The following POMGNT1 variants were observed in gnomAD, a reference collection of about 807,000 sequenced individuals.
The protein encoded by POMGNT1 is protein O-linked-mannose beta-1,2-N-acetylglucosaminyltransferase 1.
A neutral mutation model predicts 95.6 loss-of-function variants in POMGNT1; 67 were observed. The observed-to-expected ratio is 0.70, with a 90% CI of 0.58 to 0.86. The LOEUF is 0.86. Among genes scored for constraint, POMGNT1 ranks in the 40% least tolerant of loss-of-function variants. POMGNT1 has a pLI of 0.00. For missense variants in POMGNT1, 719 were observed against 855.2 expected (o/e 0.84, Z 1.99); for synonymous variants, 298 against 317.9 (o/e 0.94, Z 0.66).
chr1:46,189,650 A>ACC, intron 20 of POMGNT1, 83 bp from the exon 21 acceptor site: 6 of 1,556,548 alleles, frequency 3.9e-6, no homozygotes, highest in Non-Finnish European at 5.2e-6. Context: ...CCCAGCCCCC[A>ACC]CCCCTCCTCA....
chr1:46,196,068 C>T lies in POMGNT1; in HGVS notation c.364G>A (p.Asp122Asn), dbSNP rs1348604167. The change falls in exon 5 of 22, where the codon GAT (aspartate) becomes AAT (asparagine). Residue 122 changes from aspartate to asparagine, a missense_variant. Physicochemically the swap from Asp to Asn is conservative, Grantham distance 23 (BLOSUM62 1). Coordinates refer to ENST00000371984, the MANE Select transcript of POMGNT1 (RefSeq NM_017739.4). This position sits in a 1 kb window ranked among gnomAD's most constrained non-coding sequence, Gnocchi z 4.4. ...VAVDGTTVLE[D>N]EAREQGRGIH... is the part of the protein sequence containing the mutation. The stretch of plus-strand genomic sequence containing the variant: ...CCCCGGCCCTGCTCCCGGGCCTCAT[C>T]CTCCAGCACCTACACAGTGGCAGAG... The T allele has an allele frequency of 1.9e-6, 3 of 1,613,926 alleles. No homozygotes were observed. In the African/African-American group the frequency reaches 4.0e-5, roughly 22 times the overall value.
Position 46,188,996 on chromosome 1 carries a change from ATT to A in POMGNT1, c.*272_*273del. On this transcript the variant is annotated 3_prime_UTR_variant, in exon 22 of 22. Coordinates refer to ENST00000371984, the MANE Select transcript of POMGNT1 (RefSeq NM_017739.4). ...TGAGCCAGGCCTGGAAAGTGAGGGTATTCAAAGGGCAGGATGAGCTGCTAGGG... is the reference window on the plus strand; with the variant it reads ...TGAGCCAGGCCTGGAAAGTGAGGGTACAAAGGGCAGGATGAGCTGCTAGGG... The A allele has an allele frequency of 6.2e-7, 1 of 1,602,982 alleles. No homozygotes were observed. The highest frequency in any genetic ancestry group is 8.5e-7 in the Non-Finnish European group (1 of 1,173,904).
intron 17 of POMGNT1, chr1:46,190,989 G>A: frequency 1.7e-6 from 1 of 576,506 alleles, no homozygotes. Flanking sequence ...CATTGCTGGA[G>A]AGCTCATGCT....
chr1:46,190,640 C>T (rs1473026110), intron 18 of POMGNT1, 80 bp downstream of exon 18: 3 of 1,537,918 alleles, frequency 2.0e-6, no homozygotes, highest in Non-Finnish European at 2.7e-6. Flanking sequence ...AACACACAGG[C>T]CCAGCATTGG....
intron 1 of POMGNT1, among the ~76,000 whole-genome samples, chr1:46,215,644 A>T (rs933910209): frequency 2.6e-5 from 4 of 152,236 alleles, no homozygotes; most frequent in Admixed American, 6.5e-5. Flanking sequence ...CATGCCTCTA[A>T]TCCCAGCACT....
intron 1 of POMGNT1, among the ~76,000 whole-genome samples, chr1:46,212,599 C>CA (rs1183855166): frequency 6.6e-6 from 1 of 151,038 alleles, no homozygotes; most frequent in African/African-American, 2.4e-5. Context: ...TTTTTTGAAT[C>CA]AGAGTCTCGC....
chr1:46,190,413 C>A, intron 19 of POMGNT1, 60 bp downstream of exon 19: 7 of 1,517,326 alleles, frequency 4.6e-6, no homozygotes, highest in Non-Finnish European at 6.4e-6. Flanking sequence ...ATTATGGGGC[C>A]AAGATCCCCA....
chr1:46,203,595 G>A (rs759582353), intron 1 of POMGNT1: 11 of 1,593,534 alleles, frequency 6.9e-6, no homozygotes, highest in Non-Finnish European at 9.4e-6. Context: ...CGACTTGGGG[G>A]ACAAGATCAT....
chr1:46,194,353 C>T lies in POMGNT1; in HGVS notation c.800G>A (p.Arg267His), dbSNP rs756234628. ...ATAGCCCTCAACTTTGCTGCAGAAG[C>T]GCCGGCGGCGACGGTTCAGCTCTGT... is the stretch of plus-strand genomic sequence containing the variant. ...ADTELNRRRR[R>H]FCSKVEGYGS... The change falls in exon 9 of 22, where the codon CGC (arginine) becomes CAC (histidine). Residue 267 changes from arginine (R) to histidine (H), a missense_variant. Arg to His is a conservative substitution (Grantham distance 29). This residue lies in a region of POMGNT1 where 466 missense variants were observed against 517.4 expected (regional missense o/e 0.90). Transcript: ENST00000371984. The T allele has an allele frequency of 9.3e-6, 15 of 1,614,096 alleles. No homozygotes were observed. The highest frequency in any genetic ancestry group is 4.5e-5 in the East Asian group (2 of 44,890).
At chr1:46,207,238 A>ATG in intron 1 of POMGNT1, among the ~76,000 whole-genome samples, 1 of 151,886 alleles carries the variant, frequency 6.6e-6, no homozygotes, top group South Asian at 2.1e-4. Context: ...GTGCCACCAC[A>ATG]CCTAGCTAGC....
Position 46,189,872 on chromosome 1 carries a change from G to C in POMGNT1, c.1767C>G (p.Thr589=). The stretch of plus-strand genomic sequence containing the variant: ...GGAGCACCTTGGCAAGCTGGGTCCA[G>C]GTGGTGAAGTCATCATCTTTCTCCA... ...IRMEKDDDFT[T]WTQLAKCLHI... The change falls in exon 20 of 22, where the codon ACC becomes ACG. Residue 589 remains threonine (T), a synonymous_variant. Coordinates refer to ENST00000371984, the MANE Select transcript of POMGNT1 (RefSeq NM_017739.4). 1 of 1,613,930 alleles carries C rather than the reference G, an allele frequency of 6.2e-7. No homozygotes were observed. Among genetic ancestry groups the C allele is most frequent in the South Asian group, 1.1e-5 (1 of 90,938 alleles).
Position 46,196,045 on chromosome 1 carries a change from C to T in POMGNT1, c.387G>A (p.Arg129=). ...VLEDEAREQG[R]GIHVIVLNQA... is the part of the protein sequence containing the mutation. The stretch of plus-strand genomic sequence containing the variant: ...GGTTGAGGACAATGACATGGATGCC[C>T]CGGCCCTGCTCCCGGGCCTCATCCT... Residue 129 remains arginine, a synonymous_variant, in exon 5 of 22, where the codon CGG becomes CGA. Coordinates refer to ENST00000371984, the MANE Select transcript of POMGNT1 (RefSeq NM_017739.4). The surrounding 1 kb of genome is among the most constrained non-coding windows in gnomAD (Gnocchi z 4.4). 6.2e-7 allele frequency: 1 copy of T among 1,614,020 alleles called. No individual in the cohort carries two copies. Among genetic ancestry groups the T allele is most frequent in the Non-Finnish European group, 8.5e-7 (1 of 1,180,024 alleles).
At position 46,218,414 on chromosome 1, in the gene POMGNT1, T is replaced by C. The variant is rs900146957; in HGVS notation, c.-51+1291A>G. On this transcript the variant is annotated intron_variant, in intron 1 of 22. Coordinates refer to the POMGNT1 transcript ENST00000371992. ...AAATAATAATAAAAGTAAAACTAAA[T>C]AAAACTAGTTTTAAAAAGTCATTTG... Among the ~76,000 whole-genome samples, 3 of 152,302 alleles carry C rather than the reference T, an allele frequency of 2.0e-5. No individual in the cohort carries two copies. The South Asian group carries it at 6.2e-4, about 32-fold the overall frequency.
At chr1:46,195,700 C>A in intron 6 of POMGNT1, 111 bp downstream of exon 6, 4 of 1,012,882 alleles carry the variant, frequency 3.9e-6, no homozygotes, top group Non-Finnish European at 6.1e-6. Flanking sequence ...ACCTGAGTAA[C>A]CTTCCTTCAG....
At chr1:46,214,454 GATA>G (rs1348954767) in intron 1 of POMGNT1, among the ~76,000 whole-genome samples, 1 of 151,888 alleles carries the variant, frequency 6.6e-6, no homozygotes, top group Non-Finnish European at 1.5e-5. Context: ...AGAGATAAAA[GATA>G]ATACTGTAGC....
chr1:46,218,497 G>A (rs148650641), intron 1 of POMGNT1, among the ~76,000 whole-genome samples: 19 of 152,356 alleles, frequency 1.2e-4, no homozygotes, highest in African/African-American at 3.8e-4. Context: ...AGAGATGGGC[G>A]AGAGCCACAT....
At chr1:46,219,848 C>T (rs755400846) in exon 1 of POMGNT1, 8 of 1,613,958 alleles carry the variant, frequency 5.0e-6, no homozygotes, top group South Asian at 2.2e-5. Flanking sequence ...GCCTGACAGG[C>T]GGGAGCCCAG....
intron 1 of POMGNT1, chr1:46,219,690 C>T (rs369993830): frequency 6.4e-7 from 1 of 1,558,240 alleles, no homozygotes. Flanking sequence ...CCTTCTCCCA[C>T]TCCCCCAGGC....
Position 46,192,578 on chromosome 1 carries a change from T to C in POMGNT1, c.1224A>G (p.Gln408=). ...CATCCTCCTCCAGTAGGTGGATGGATTGGCTCAGGAAACTGAGAGAGGCAG... is the reference window on the plus strand; with the variant it reads ...CATCCTCCTCCAGTAGGTGGATGGACTGGCTCAGGAAACTGAGAGAGGCAG... ...IAVDFFSFLS[Q]SIHLLEEDDS... is the part of the protein sequence containing the mutation. The change falls in exon 15 of 22, where the codon CAA becomes CAG. Residue 408 remains glutamine (Q), a synonymous_variant. Transcript: ENST00000371984. The C allele has an allele frequency of 6.2e-7, 1 of 1,614,086 alleles. No individual in the cohort carries two copies. The highest frequency in any genetic ancestry group is 8.5e-7 in the Non-Finnish European group (1 of 1,180,018).
Sources: gnomAD v4.1 joint callset for allele counts (sites outside exome capture counted in the v4.1 genomes callset) on GRCh38, gnomAD v4.1.1 for gene constraint, gnomAD v4.1.1 regional missense constraint, Gnocchi (gnomAD v3.1) non-coding constraint, MANE v1.5 for transcripts, NCBI Gene and HGNC (gene_info 2026-07-23, HGNC 2026-07-21) for gene names.